ABI3BP: variants seen among roughly 807,000 people sequenced by gnomAD.
The protein encoded by ABI3BP is target of Nesh-SH3.
A neutral mutation model predicts 268.6 loss-of-function variants in ABI3BP; 216 were observed. The ratio of observed to expected loss-of-function variants is 0.80; its 90% CI spans 0.72 to 0.90. ABI3BP has a LOEUF of 0.90. Among genes scored for constraint, ABI3BP ranks in the 40% least tolerant of loss-of-function variants. The pLI is 0.00. For missense variants in ABI3BP, 2,090 were observed against 2,182.4 expected (o/e 0.96, Z 0.84); for synonymous variants, 730 against 730.0 (o/e 1.00, Z 0.00).
chr3:100,880,845 T>G (rs2153360664), intron 6 of ABI3BP, among the ~76,000 whole-genome samples: 1 of 152,316 alleles, frequency 6.6e-6, no homozygotes, highest in Non-Finnish European at 1.5e-5. Context: ...TTTGTAGGTT[T>G]GTCCATTTGA....
intron 4 of ABI3BP, among the ~76,000 whole-genome samples, chr3:100,890,925 T>G (rs1290527645): frequency 6.6e-6 from 1 of 152,114 alleles, no homozygotes; most frequent in Admixed American, 6.6e-5. Context: ...AGGTAGCATG[T>G]GAGCCCCAGT....
intron 1 of ABI3BP, among the ~76,000 whole-genome samples, chr3:100,986,212 T>A (rs1382972555): frequency 6.6e-6 from 1 of 152,210 alleles, no homozygotes; most frequent in African/African-American, 2.4e-5. Flanking sequence ...AATGAGGCCC[T>A]TTGACCAATG....
chr3:100,787,719 G>A lies in ABI3BP; in HGVS notation c.4162+9C>T. Reference sequence around the variant, plus strand: ...CAGGATAAAAAGGAAATACATTTGTGATTATTACCTGTTCCCACTCCATTC... The same window carrying A: ...CAGGATAAAAAGGAAATACATTTGTAATTATTACCTGTTCCCACTCCATTC... On this transcript the variant is annotated intron_variant, in intron 57 of 67. Coordinates refer to ENST00000471714, the MANE Select transcript of ABI3BP (RefSeq NM_001375547.2). 2.6e-6 allele frequency: 4 copies of A among 1,519,164 alleles called. No individual in the cohort carries two copies. The highest frequency in any genetic ancestry group is 3.5e-6 in the Non-Finnish European group (4 of 1,137,518). The allele number at this position is 1,519,164 out of a possible 1,614,324, so 94.1% of individuals were successfully genotyped here.
intron 1 of ABI3BP, among the ~76,000 whole-genome samples, chr3:100,962,773 G>A (rs1365304516): frequency 6.6e-6 from 1 of 152,068 alleles, no homozygotes; most frequent in Admixed American, 6.6e-5. Context: ...TTATATACTG[G>A]AGGACCTTGG....
chr3:100,959,106 G>A (rs190353737), intron 1 of ABI3BP, among the ~76,000 whole-genome samples: 1 of 152,306 alleles, frequency 6.6e-6, no homozygotes, highest in African/African-American at 2.4e-5. Context: ...CTACAGGAGG[G>A]ATGGGAATAC....
At chr3:100,896,350 C>T (rs2047664456) in intron 4 of ABI3BP, among the ~76,000 whole-genome samples, 2 of 152,076 alleles carry the variant, frequency 1.3e-5, no homozygotes, top group African/African-American at 2.4e-5. Context: ...TCATTATCTC[C>T]GGGTGCTGTC....
chr3:100,898,573 A>G (rs1054138742), intron 4 of ABI3BP, among the ~76,000 whole-genome samples, 189 bp downstream of exon 4: 7 of 152,214 alleles, frequency 4.6e-5, no homozygotes, highest in Non-Finnish European at 8.8e-5. Flanking sequence ...ATTTTTGAAA[A>G]AAATTACATG....
intron 2 of ABI3BP, chr3:100,911,944 G>T: frequency 9.8e-7 from 1 of 1,019,158 alleles, no homozygotes. Flanking sequence ...TTCAGTGCTT[G>T]CTCATTTACT....
chr3:100,871,098 A>G (rs2099104954), intron 9 of ABI3BP, among the ~76,000 whole-genome samples: 1 of 152,238 alleles, frequency 6.6e-6, no homozygotes, highest in South Asian at 2.1e-4. Context: ...ATAAGACTAG[A>G]AATCTAAAGT....
chr3:100,916,577 T>C (rs1266662429), intron 2 of ABI3BP, among the ~76,000 whole-genome samples: 1 of 152,224 alleles, frequency 6.6e-6, no homozygotes, highest in Non-Finnish European at 1.5e-5. Context: ...ACCTGCTTCA[T>C]GGGGTTGCTC....
chr3:100,864,211 C>T, intron 11 of ABI3BP, 135 bp from the exon 12 acceptor site: 1 of 661,960 alleles, frequency 1.5e-6, no homozygotes, highest in African/African-American at 1.8e-5. Flanking sequence ...TGGAAATAAC[C>T]TTCCCTGGAA....
intron 2 of ABI3BP, among the ~76,000 whole-genome samples, chr3:100,906,065 CA>C (rs2053291134): frequency 6.6e-6 from 1 of 152,098 alleles, no homozygotes; most frequent in Admixed American, 6.6e-5. Context: ...TTTTAGAAAA[CA>C]AAACCCCTAG....
rs532038327 is a variant in ABI3BP, at chr3:100,848,461, A to G, written c.1576+340T>C. Among the ~76,000 whole-genome samples, 82 of 131,220 alleles carry G rather than the reference A, an allele frequency of 6.2e-4. 2 individuals are homozygous for G. The highest frequency in any genetic ancestry group is 1.1e-3 in the Admixed American group (13 of 11,994). The allele number at this position is 131,220 out of a possible 152,430, so 86.1% of individuals were successfully genotyped here. A position where few individuals can be genotyped will look rare whatever the true frequency, so the allele number is the denominator to read the frequency against. Reference sequence around the variant, plus strand: ...TCAAATTTTGTAAAGAAACTAATCTATAAAACATATCCTTTTTTTTTTTTC... The same window carrying G: ...TCAAATTTTGTAAAGAAACTAATCTGTAAAACATATCCTTTTTTTTTTTTC... On this transcript the variant is annotated intron_variant, in intron 18 of 67. Transcript: ENST00000471714.
chr3:100,846,016 A>G (rs1021033029), intron 20 of ABI3BP, among the ~76,000 whole-genome samples: 1 of 152,172 alleles, frequency 6.6e-6, no homozygotes, highest in African/African-American at 2.4e-5. Flanking sequence ...CAGAGTTCTT[A>G]GAAGATAGAA....
chr3:100,944,269 C>G (rs1285811688), intron 1 of ABI3BP, among the ~76,000 whole-genome samples: 1 of 152,002 alleles, frequency 6.6e-6, no homozygotes, highest in Non-Finnish European at 1.5e-5. Flanking sequence ...GATCAGGTAT[C>G]AAAAAATAGA....
chr3:100,758,193 G>A (rs1256791235), intron 63 of ABI3BP, among the ~76,000 whole-genome samples: 1 of 152,160 alleles, frequency 6.6e-6, no homozygotes, highest in Non-Finnish European at 1.5e-5. Context: ...TCTAGAACCA[G>A]AAAGATTCAC....
At chr3:100,965,956 G>A (rs2081126497) in intron 1 of ABI3BP, among the ~76,000 whole-genome samples, 2 of 152,186 alleles carry the variant, frequency 1.3e-5, no homozygotes, top group Admixed American at 1.3e-4. Context: ...AAGCATGAAT[G>A]CTTTAAGGGA....
intron 63 of ABI3BP, among the ~76,000 whole-genome samples, chr3:100,758,109 CAAAA>C (rs202096775): frequency 2.0e-4 from 29 of 146,398 alleles, no homozygotes; most frequent in Admixed American, 6.8e-4. Context: ...AACAAACAAA[CAAAA>C]AAAAAACAAT....
At chr3:100,880,255 G>A (rs6441555) in intron 6 of ABI3BP, among the ~76,000 whole-genome samples, 107,881 of 151,900 alleles carry the variant, frequency 0.71, 39,224 homozygotes, top group Non-Finnish European at 0.78. Context: ...GCCTCAGCAC[G>A]ATACTGCTGT....
Sources: allele counts gnomAD v4.1 joint callset (sites outside exome capture counted in the v4.1 genomes callset), GRCh38; gene constraint gnomAD v4.1.1; transcripts MANE v1.5; gene names NCBI Gene and HGNC (gene_info 2026-07-23, HGNC 2026-07-21).